Variants in PARD3B observed in about 807,000 individuals in gnomAD.
PARD3B encodes par-3 family cell polarity regulator beta, also known as partitioning defective 3 homolog B.
In PARD3B, 103 loss-of-function variants were observed where a neutral mutation model predicts 130.2. The observed-to-expected ratio is 0.79, with a 90% CI of 0.67 to 0.93. PARD3B has a LOEUF of 0.93. Among genes scored for constraint, PARD3B ranks in the 40% least tolerant of loss-of-function variants. The pLI, the probability that PARD3B is intolerant of heterozygous loss-of-function variation, is 0.00. For missense variants in PARD3B, 1,609 were observed against 1,499.2 expected (o/e 1.07, Z -1.21); for synonymous variants, 583 against 553.2 (o/e 1.05, Z -0.76).
rs2047051157 is a variant in PARD3B at position 204,906,619 on chromosome 2, G to C, written c.223-58533G>C. ...TTGGTAATTTAGCAACCATTGTTCT[G>C]TTTGATAACCACAGCTTGACAGATA... On this transcript the variant is annotated intron_variant, in intron 2 of 22. Coordinates refer to ENST00000406610, the MANE Select transcript of PARD3B (RefSeq NM_001302769.2). The surrounding 1 kb of genome is among the most constrained non-coding windows in gnomAD (Gnocchi z 4.3). Among the ~76,000 whole-genome samples, 1 of 152,176 alleles carries C rather than the reference G, an allele frequency of 6.6e-6. No homozygotes were observed. The highest frequency in any genetic ancestry group is 1.5e-5 in the Non-Finnish European group (1 of 68,032).
intron 2 of PARD3B, among the ~76,000 whole-genome samples, chr2:204,947,796 A>G (rs2125818105): frequency 6.6e-6 from 1 of 152,296 alleles, no homozygotes; most frequent in East Asian, 1.9e-4. Flanking sequence ...TGAGTTCTAA[A>G]GGAAAGTGAC....
At chr2:205,495,472 G>A (rs1243917321) in intron 20 of PARD3B, among the ~76,000 whole-genome samples, 1 of 152,162 alleles carries the variant, frequency 6.6e-6, no homozygotes, top group Non-Finnish European at 1.5e-5. Flanking sequence ...TAACAATGTG[G>A]AGATGAGGTT....
chr2:205,266,340 A>G (rs1365096261), intron 16 of PARD3B, among the ~76,000 whole-genome samples: 11 of 152,160 alleles, frequency 7.2e-5, no homozygotes, highest in Non-Finnish European at 1.5e-5. Flanking sequence ...TTTTAAGAAG[A>G]CATAATAATG....
intron 21 of PARD3B, among the ~76,000 whole-genome samples, chr2:205,516,962 T>G (rs2050817601): frequency 6.6e-6 from 1 of 152,062 alleles, no homozygotes; most frequent in Non-Finnish European, 1.5e-5. Flanking sequence ...TTATTGAGAG[T>G]TTTTAACATG....
intron 15 of PARD3B, among the ~76,000 whole-genome samples, chr2:205,201,171 AGAGAGAT>A (rs1315112837): frequency 6.6e-6 from 1 of 152,192 alleles, no homozygotes; most frequent in Non-Finnish European, 1.5e-5. Flanking sequence ...TATGCCTGAA[AGAGAGAT>A]GATTTGAGTC....
chr2:205,010,683 T>A (rs1009448281), intron 3 of PARD3B, among the ~76,000 whole-genome samples: 5 of 152,190 alleles, frequency 3.3e-5, no homozygotes, highest in Non-Finnish European at 7.3e-5. Context: ...GCCCCCAGTA[T>A]GGCTTTTGAG....
rs540245812 is a variant in PARD3B at position 205,354,074 on chromosome 2, C to T, written c.2631-46939C>T. Among the ~76,000 whole-genome samples the T allele has an allele frequency of 1.0e-4, 14 of 135,896 alleles. No homozygotes were observed. In the Admixed American group the frequency reaches 1.2e-3, roughly 11 times the overall value. The allele number at this position is 135,896 out of a possible 152,430, so 89.2% of individuals were successfully genotyped here. ...TTGAGACAGGGTCTTGCTCTGTTGC[C>T]CAGGCTGGAGTGCAGTGGCAGTGAC... On this transcript the variant is annotated intron_variant, in intron 18 of 22. Coordinates refer to ENST00000406610, the MANE Select transcript of PARD3B (RefSeq NM_001302769.2).
At chr2:205,358,664 T>G (rs1410622356) in intron 18 of PARD3B, among the ~76,000 whole-genome samples, 1 of 152,220 alleles carries the variant, frequency 6.6e-6, no homozygotes, top group African/African-American at 2.4e-5. Flanking sequence ...GATTTAACCC[T>G]TCCTGACACT....
At chr2:204,944,048 A>C (rs1352110351) in intron 2 of PARD3B, among the ~76,000 whole-genome samples, 3 of 152,242 alleles carry the variant, frequency 2.0e-5, no homozygotes, top group Non-Finnish European at 2.9e-5. Context: ...GAAGAAGAGA[A>C]ATAGTGAGAC....
At chr2:205,064,176 G>A (rs1438021493) in intron 4 of PARD3B, among the ~76,000 whole-genome samples, 1 of 152,190 alleles carries the variant, frequency 6.6e-6, no homozygotes, top group African/African-American at 2.4e-5. Flanking sequence ...AAATGGTTCA[G>A]TGGAAAAACA....
intron 16 of PARD3B, among the ~76,000 whole-genome samples, chr2:205,282,319 A>T (rs1363081982): frequency 6.6e-6 from 1 of 151,972 alleles, no homozygotes; most frequent in East Asian, 1.9e-4. Context: ...TCTTGATAAC[A>T]GTGTACTTGA....
chr2:204,844,418 T>C (rs2044381448), intron 2 of PARD3B, among the ~76,000 whole-genome samples: 1 of 152,142 alleles, frequency 6.6e-6, no homozygotes, highest in African/African-American at 2.4e-5. Context: ...AAAATTTTAT[T>C]TTTAAGTTAT....
intron 1 of PARD3B, among the ~76,000 whole-genome samples, chr2:204,567,918 C>A (rs2031770233): frequency 2.0e-5 from 3 of 152,110 alleles, no homozygotes; most frequent in African/African-American, 4.8e-5. Context: ...AGTGTCTAAT[C>A]TCTTTTAAGG....
rs980275508 is a variant in PARD3B at position 205,269,466 on chromosome 2, T to C, written c.2185+23644T>C. 6.6e-6 allele frequency among the ~76,000 whole-genome samples: 1 copy of C among 152,198 alleles called. No individual in the cohort carries two copies. The highest frequency in any genetic ancestry group is 1.5e-5 in the Non-Finnish European group (1 of 68,036). On this transcript the variant is annotated intron_variant, in intron 16 of 22. Coordinates refer to ENST00000406610, the MANE Select transcript of PARD3B (RefSeq NM_001302769.2). This position sits in a 1 kb window ranked among gnomAD's most constrained non-coding sequence, Gnocchi z 4.7. ...GTAAGGAGAGAGAAAGCAAAGTTAG[T>C]ACCTTGTTAAGATTTCCAAGAACTT... is the stretch of plus-strand genomic sequence containing the variant.
chr2:205,390,746 A>G (rs918093671), intron 18 of PARD3B, among the ~76,000 whole-genome samples: 1 of 152,170 alleles, frequency 6.6e-6, no homozygotes, highest in Non-Finnish European at 1.5e-5. Flanking sequence ...TCATTTCTTC[A>G]TATTGTCCGT....
chr2:205,374,027 C>T (rs994090932), intron 18 of PARD3B, among the ~76,000 whole-genome samples: 3 of 151,942 alleles, frequency 2.0e-5, no homozygotes, highest in Admixed American at 6.6e-5. Flanking sequence ...CTGTCAGTAG[C>T]GATCATGAGA....
rs376370230 is a variant in PARD3B at position 205,238,878 on chromosome 2, G to A, written c.2141-6900G>A. ...TATATATATATATATATATATATAT[G>A]TATGTGTGTATATATATATATATAT... On this transcript the variant is annotated intron_variant, in intron 15 of 22. Coordinates refer to ENST00000406610, the MANE Select transcript of PARD3B (RefSeq NM_001302769.2). Among the ~76,000 whole-genome samples the A allele has an allele frequency of 3.3e-3, 192 of 57,996 alleles. 1 individual carries two copies. Among genetic ancestry groups the A allele is most frequent in the South Asian group, 0.015 (19 of 1,236 alleles). The allele number at this position is 57,996 out of a possible 152,430, so 38.0% of individuals were successfully genotyped here. A position where few individuals can be genotyped will look rare whatever the true frequency, so the allele number is the denominator to read the frequency against.
At chr2:205,159,954 T>G (rs2034410252) in intron 11 of PARD3B, among the ~76,000 whole-genome samples, 1 of 152,156 alleles carries the variant, frequency 6.6e-6, no homozygotes, top group Non-Finnish European at 1.5e-5. Context: ...AAAATAATCG[T>G]GATATGAATA....
intron 19 of PARD3B, among the ~76,000 whole-genome samples, chr2:205,417,739 A>T (rs1023934622): frequency 6.6e-6 from 1 of 152,220 alleles, no homozygotes; most frequent in Non-Finnish European, 1.5e-5. Flanking sequence ...TGCAAGATCA[A>T]TCCAGCCCCC....
Sources: allele counts gnomAD v4.1 joint callset (sites outside exome capture counted in the v4.1 genomes callset), GRCh38; gene constraint gnomAD v4.1.1; non-coding constraint Gnocchi (gnomAD v3.1); transcripts MANE v1.5; gene names NCBI Gene and HGNC (gene_info 2026-07-23, HGNC 2026-07-21).